Variants in EIF2A observed in about 807,000 individuals in gnomAD.
EIF2A encodes the protein eukaryotic translation initiation factor 2A.
Under a neutral mutation model 75.2 loss-of-function variants are expected in EIF2A, and 62 were observed. That is an observed-to-expected ratio of 0.82 (90% confidence interval 0.67 to 1.02). The LOEUF is 1.02. Among genes scored for constraint, EIF2A ranks in the 50% least tolerant of loss-of-function variants. The pLI is 0.00. For synonymous variants in EIF2A, 207 were observed against 239.0 expected (o/e 0.87, Z 1.23); for missense variants, 611 against 677.7 (o/e 0.90, Z 1.09).
At chr3:150,571,092 A>G (rs954143428) in intron 9 of EIF2A, among the ~76,000 whole-genome samples, 17 of 151,982 alleles carry the variant, frequency 1.1e-4, no homozygotes, top group Non-Finnish European at 2.2e-4. Flanking sequence ...TTCTGAAAGG[A>G]TATCCAAGAA....
chr3:150,560,752 G>A (rs926108014), intron 3 of EIF2A, among the ~76,000 whole-genome samples: 3 of 143,538 alleles, frequency 2.1e-5, no homozygotes, highest in African/African-American at 7.7e-5. Flanking sequence ...ACACCCCAGA[G>A]TGTTTAGTAC....
rs557189840 is a variant in EIF2A at position 150,561,520 on chromosome 3, G to A, written c.174-1022G>A. On this transcript the variant is annotated intron_variant, in intron 3 of 13. Transcript: ENST00000460851. ...TTAAACCCAGGAGGTGGAGGTTGCT[G>A]TGAGCCAAGACTGTGCCACTACACT... is the stretch of plus-strand genomic sequence containing the variant. Among the ~76,000 whole-genome samples, 6 of 152,284 alleles carry A rather than the reference G, an allele frequency of 3.9e-5. No homozygotes were observed. The South Asian group carries it at 1.2e-3, about 32-fold the overall frequency.
chr3:150,546,886 T>C (rs955291364), intron 1 of EIF2A, 56 bp downstream of exon 1: 1 of 1,604,966 alleles, frequency 6.2e-7, no homozygotes, highest in African/African-American at 1.3e-5. Flanking sequence ...CTTATTTTTG[T>C]CTTTGCCTTT....
At chr3:150,571,406 C>T (rs1432698124) in intron 9 of EIF2A, among the ~76,000 whole-genome samples, 2 of 152,146 alleles carry the variant, frequency 1.3e-5, no homozygotes, top group African/African-American at 2.4e-5. Flanking sequence ...TCCCAAAGTC[C>T]TGGGATTACA....
At chr3:150,569,686 A>C (rs935683541) in intron 9 of EIF2A, among the ~76,000 whole-genome samples, 2 of 152,032 alleles carry the variant, frequency 1.3e-5, no homozygotes, top group African/African-American at 4.8e-5. Context: ...GTGGTGGTAC[A>C]TGCCTGTAAT....
intron 2 of EIF2A, among the ~76,000 whole-genome samples, chr3:150,557,834 C>T (rs1435861601): frequency 1.3e-5 from 2 of 152,182 alleles, no homozygotes; most frequent in East Asian, 3.9e-4. Flanking sequence ...ATGTATCAGT[C>T]AGTTCTCAAT....
In EIF2A at chr3:150,567,698, A is replaced by G. The variant is rs1724260281; in HGVS notation, c.481A>G (p.Ile161Val). 7 of 1,538,160 alleles carry G rather than the reference A, an allele frequency of 4.6e-6. No individual in the cohort carries two copies. The highest frequency in any genetic ancestry group is 1.2e-5 in the South Asian group (1 of 82,532). ...TAATTTACTCTTTTTTTTAGACACA[A>G]TTGCAAATAAATTGCATTTGCAAAA... ...HFFENNNFNT[I>V]ANKLHLQKIN... The change falls in exon 7 of 14, where the codon ATT becomes GTT. Residue 161 changes from isoleucine (I) to valine (V), a missense_variant. Physicochemically the swap from Ile to Val is conservative, Grantham distance 29. Coordinates refer to ENST00000460851, the MANE Select transcript of EIF2A (RefSeq NM_032025.5).
intron 4 of EIF2A, 98 bp from the exon 5 acceptor site, chr3:150,563,417 C>T (rs1314572102): frequency 1.0e-5 from 9 of 902,746 alleles, no homozygotes; most frequent in South Asian, 1.7e-5. Flanking sequence ...TGATTTAACC[C>T]ATTTGATAGT....
At chr3:150,572,675 T>G in intron 10 of EIF2A, 146 bp downstream of exon 10, 1 of 760,628 alleles carries the variant, frequency 1.3e-6, no homozygotes, top group South Asian at 1.9e-5. Context: ...GCTAACATGC[T>G]GAAACCCCGT....
intron 6 of EIF2A, 138 bp from the exon 7 acceptor site, chr3:150,567,555 T>TA: frequency 4.7e-6 from 3 of 635,352 alleles, no homozygotes; most frequent in South Asian, 4.3e-5. Context: ...TCCACTGTGT[T>TA]ACTGTATCTC....
At chr3:150,551,425 T>C in intron 1 of EIF2A, among the ~76,000 whole-genome samples, 1 of 152,224 alleles carries the variant, frequency 6.6e-6, no homozygotes, top group East Asian at 1.9e-4. Flanking sequence ...AGCATTTAAT[T>C]CAACCATTTA....
intron 2 of EIF2A, chr3:150,557,507 T>G (rs967002385): frequency 5.3e-6 from 1 of 189,566 alleles, no homozygotes; most frequent in East Asian, 1.9e-4. Flanking sequence ...TTGAAGCAAT[T>G]CTCCTGTCTC....
chr3:150,569,877 G>A (rs1724407007), intron 9 of EIF2A, among the ~76,000 whole-genome samples: 1 of 152,076 alleles, frequency 6.6e-6, no homozygotes, highest in Non-Finnish European at 1.5e-5. Context: ...GGATATACTG[G>A]TAAAACTGAT....
chr3:150,569,943 A>T (rs902983845), intron 9 of EIF2A, among the ~76,000 whole-genome samples: 1 of 152,232 alleles, frequency 6.6e-6, no homozygotes, highest in African/African-American at 2.4e-5. Context: ...GTAGACATTA[A>T]TATATAATAA....
intron 6 of EIF2A, chr3:150,567,408 G>A (rs1263118074): frequency 3.5e-6 from 1 of 284,898 alleles, no homozygotes; most frequent in African/African-American, 2.2e-5. Context: ...CCTACCATGT[G>A]CCTGGCACTC....
chr3:150,579,464 C>CT (rs571795621), intron 11 of EIF2A, among the ~76,000 whole-genome samples: 133 of 152,218 alleles, frequency 8.7e-4, no homozygotes, highest in African/African-American at 3.0e-3. Context: ...AATCCCAGCA[C>CT]TTTGGGAGGC....
At chr3:150,552,679 T>C in intron 2 of EIF2A, 1 of 289,934 alleles carries the variant, frequency 3.4e-6, no homozygotes, top group Non-Finnish European at 6.4e-6. Flanking sequence ...ACTAGTGTAA[T>C]TGAATACAAG....
intron 11 of EIF2A, among the ~76,000 whole-genome samples, chr3:150,576,478 A>G (rs865831404): frequency 4.6e-5 from 7 of 152,294 alleles, no homozygotes; most frequent in Middle Eastern, 3.4e-3. Context: ...TACGTTATAA[A>G]ATGTAGTTGG....
chr3:150,546,968 C>T, intron 1 of EIF2A, 138 bp downstream of exon 1: 2 of 1,210,244 alleles, frequency 1.7e-6, no homozygotes, highest in Non-Finnish European at 1.2e-6. Context: ...AGACTGTTGG[C>T]TTTCTTGATA....
Sources: allele counts gnomAD v4.1 joint callset (sites outside exome capture counted in the v4.1 genomes callset), GRCh38; gene constraint gnomAD v4.1.1; transcripts MANE v1.5; gene names NCBI Gene and HGNC (gene_info 2026-07-23, HGNC 2026-07-21).